The following MYO3A variants were observed in gnomAD, a reference collection of about 807,000 sequenced individuals.
MYO3A encodes the protein myosin IIIA, also known as myosin-IIIa.
MYO3A carries 180 observed loss-of-function variants against 192.7 expected under a neutral mutation model. That is an observed-to-expected ratio of 0.93 (90% CI 0.83 to 1.06). MYO3A has a LOEUF of 1.06. Ranked by LOEUF, MYO3A falls within the 50% of genes least tolerant of loss-of-function variation. The pLI is 0.00. For synonymous variants in MYO3A, 628 were observed against 645.3 expected (o/e 0.97, Z 0.41); for missense variants, 1,896 against 1,905.0 (o/e 1.00, Z 0.09).
rs779643084 is a variant in MYO3A at position 26,088,361 on chromosome 10, T to G, written c.1518T>G (p.Ile506Met). The G allele has an allele frequency of 5.6e-6, 9 of 1,613,852 alleles. No homozygotes were observed. In the African/African-American group the frequency reaches 1.2e-4, roughly 22 times the overall value. Residue 506 changes from isoleucine to methionine, a missense_variant, in exon 15 of 35, where the codon ATT becomes ATG. Transcript: ENST00000642920. ...TSSGAVVGAQ[I>M]SEYLLEKSRV... ...CTGGAGCGGTAGTGGGAGCACAGAT[T>G]TCTGAATATCTCCTGGAAAAATCCC...
At chr10:25,936,764 C>T (rs1244844418) in intron 2 of MYO3A, among the ~76,000 whole-genome samples, 1 of 152,098 alleles carries the variant, frequency 6.6e-6, no homozygotes, top group African/African-American at 2.4e-5. Context: ...ACTTTCTAAT[C>T]TTCAGTTTTC....
chr10:25,985,066 C>T (rs1189736584), intron 4 of MYO3A, among the ~76,000 whole-genome samples: 5 of 152,030 alleles, frequency 3.3e-5, no homozygotes. Flanking sequence ...AGTGAAACCA[C>T]GTTTCTACTA....
chr10:25,959,061 T>G (rs979588196), intron 4 of MYO3A, among the ~76,000 whole-genome samples: 7 of 152,160 alleles, frequency 4.6e-5, no homozygotes, highest in Non-Finnish European at 1.0e-4. Context: ...TTAAGGAGTT[T>G]TGGGGCCAAG....
intron 9 of MYO3A, 88 bp from the exon 10 acceptor site, chr10:26,026,289 G>A (rs980191110): frequency 2.6e-5 from 38 of 1,466,018 alleles, no homozygotes; most frequent in East Asian, 1.2e-4. Flanking sequence ...CATCACTCTC[G>A]TGTGTTAGAT....
At chr10:26,208,496 C>T (rs1486245231) in intron 34 of MYO3A, among the ~76,000 whole-genome samples, 1 of 152,118 alleles carries the variant, frequency 6.6e-6, no homozygotes, top group Non-Finnish European at 1.5e-5. Context: ...TTGAAAATAA[C>T]AAGAATCTAA....
rs1248649074 is a variant in MYO3A, at chr10:26,211,861, C to T, written c.4749C>T (p.Ser1583=). 1 of 1,614,054 alleles carries T rather than the reference C, an allele frequency of 6.2e-7. No homozygotes were observed. The highest frequency in any genetic ancestry group is 1.7e-5 in the Admixed American group (1 of 60,026). Residue 1583 remains serine, a synonymous_variant, in exon 35 of 35, where the codon AGC becomes AGT. Coordinates refer to ENST00000642920, the MANE Select transcript of MYO3A (RefSeq NM_017433.5). ...CTTGCAGGTGCTGGGCGGCGGAGAG[C>T]CCCGAGAAGGAGGAGGAGAGAGAGC... ...KANERCWAAE[S]PEKEEEREPA...
At chr10:26,188,796 G>A (rs191759970) in intron 31 of MYO3A, among the ~76,000 whole-genome samples, 73 of 152,268 alleles carry the variant, frequency 4.8e-4, no homozygotes, top group African/African-American at 1.1e-3. Context: ...TCAGATAGTT[G>A]TAGATAAGTG....
At position 26,166,095 on chromosome 10, in the gene MYO3A, G is replaced by A. The variant is rs61729833; in HGVS notation, c.3028G>A (p.Glu1010Lys). 3,133 of 1,614,100 alleles carry A rather than the reference G, an allele frequency of 1.9e-3. 40 individuals are homozygous for A. In the African/African-American group the frequency reaches 0.032, roughly 16 times the overall value. The change falls in exon 27 of 35, where the codon GAG (glutamate) becomes AAG (lysine). Residue 1010 changes from glutamate to lysine, a missense_variant. By Grantham distance (56) the Glu-to-Lys change is moderately conservative. Coordinates refer to ENST00000642920, the MANE Select transcript of MYO3A (RefSeq NM_017433.5). ...RYYLLCYKSS[E>K]EPRMSPDTCA... ...CTACCTTCTCTGCTACAAGTCGAGC[G>A]AGGAGCCCCGCATGAGCCCTGACAC...
chr10:26,063,951 G>C (rs1834656016), intron 10 of MYO3A, among the ~76,000 whole-genome samples: 1 of 152,226 alleles, frequency 6.6e-6, no homozygotes, highest in Non-Finnish European at 1.5e-5. Flanking sequence ...AGTGCCTACT[G>C]CATGCCAGGC....
chr10:26,089,966 T>C (rs1836595721), intron 15 of MYO3A, among the ~76,000 whole-genome samples: 1 of 152,192 alleles, frequency 6.6e-6, no homozygotes. Flanking sequence ...ATTGAAGATG[T>C]TCAGTAAATG....
intron 20 of MYO3A, among the ~76,000 whole-genome samples, chr10:26,132,942 T>A (rs1167214968): frequency 6.6e-6 from 1 of 152,202 alleles, no homozygotes; most frequent in African/African-American, 2.4e-5. Context: ...CTCCAACACA[T>A]AATTTGTGGC....
intron 18 of MYO3A, among the ~76,000 whole-genome samples, chr10:26,122,836 A>G (rs1168573183): frequency 1.3e-5 from 2 of 152,162 alleles, no homozygotes; most frequent in African/African-American, 2.4e-5. Context: ...GTGCTTAGCA[A>G]TTTATCCCCA....
intron 11 of MYO3A, among the ~76,000 whole-genome samples, chr10:26,067,964 C>T (rs1193987258): frequency 6.6e-6 from 1 of 152,116 alleles, no homozygotes; most frequent in African/African-American, 2.4e-5. Context: ...CAAGTACTTC[C>T]TCAAAATAAT....
At chr10:26,183,902 T>A (rs1181187632) in intron 31 of MYO3A, among the ~76,000 whole-genome samples, 1 of 151,792 alleles carries the variant, frequency 6.6e-6, no homozygotes, top group Non-Finnish European at 1.5e-5. Flanking sequence ...TATCCCAGAG[T>A]AGACGCAAGA....
chr10:26,153,179 G>T (rs180887109), intron 23 of MYO3A, among the ~76,000 whole-genome samples: 1 of 152,194 alleles, frequency 6.6e-6, no homozygotes, highest in African/African-American at 2.4e-5. Context: ...ACATATTATC[G>T]CATTTCATCA....
At chr10:26,096,729 C>T in intron 17 of MYO3A, 47 bp downstream of exon 17, 2 of 1,287,938 alleles carry the variant, frequency 1.6e-6, no homozygotes, top group Non-Finnish European at 2.3e-6. Context: ...ATCTTTTTAT[C>T]ATCACTAATG....
intron 15 of MYO3A, among the ~76,000 whole-genome samples, chr10:26,090,627 A>C (rs1292123945): frequency 6.6e-6 from 1 of 152,202 alleles, no homozygotes; most frequent in Non-Finnish European, 1.5e-5. Context: ...TTTAAGTTCC[A>C]GAGGAGCTTT....
chr10:25,952,330 A>C lies in MYO3A; in HGVS notation c.168+52A>C, dbSNP rs746240606. ...AGCTTTATTTTTATCTGTATGAAACACTTAAAAAGACTGTATTTTATCTTG... is the reference window on the plus strand; with the variant it reads ...AGCTTTATTTTTATCTGTATGAAACCCTTAAAAAGACTGTATTTTATCTTG... On this transcript the variant is annotated intron_variant, in intron 3 of 34. Transcript: ENST00000642920. 3 of 1,509,216 alleles carry C rather than the reference A, an allele frequency of 2.0e-6. No individual in the cohort carries two copies. In the Admixed American group the frequency reaches 5.3e-5, roughly 26 times the overall value. The allele number at this position is 1,509,216 out of a possible 1,614,324, so 93.5% of individuals were successfully genotyped here. A position where few individuals can be genotyped will look rare whatever the true frequency, so the allele number is the denominator to read the frequency against.
At chr10:26,028,373 C>T (rs1842655081) in intron 10 of MYO3A, among the ~76,000 whole-genome samples, 2 of 152,118 alleles carry the variant, frequency 1.3e-5, no homozygotes, top group African/African-American at 2.4e-5. Context: ...TAATCCTTGC[C>T]TGTTTGAGTT....
Sources: gnomAD v4.1 joint callset for allele counts (sites outside exome capture counted in the v4.1 genomes callset) on GRCh38, gnomAD v4.1.1 for gene constraint, MANE v1.5 for transcripts, NCBI Gene and HGNC (gene_info 2026-07-23, HGNC 2026-07-21) for gene names.